SLC41A2: variants seen among roughly 807,000 people sequenced by gnomAD.
The protein encoded by SLC41A2 is SLC41A1-like 1.
Under a neutral mutation model 58.3 loss-of-function variants are expected in SLC41A2, and 32 were observed. The ratio of observed to expected loss-of-function variants is 0.55; its 90% CI spans 0.41 to 0.74. The LOEUF (loss-of-function observed/expected upper bound fraction) is 0.74, where lower values mean the gene tolerates loss of function less well. Ranked by LOEUF, SLC41A2 falls within the 30% of genes least tolerant of loss-of-function variation. The pLI, the probability that SLC41A2 is intolerant of heterozygous loss-of-function variation, is 0.00. For missense variants in SLC41A2, 514 were observed against 680.6 expected, an observed-to-expected ratio of 0.76 and a Z score of 2.72; for synonymous variants, 190 against 235.0, an observed-to-expected ratio of 0.81 and a Z score of 1.75.
intron 7 of SLC41A2, 74 bp from the exon 8 acceptor site, chr12:104,861,444 C>T: frequency 2.5e-6 from 2 of 786,374 alleles, no homozygotes; most frequent in Admixed American, 2.6e-5. Context: ...TACATACAGA[C>T]ACCCCTCCTT....
chr12:104,909,445 G>A (rs1373410233), intron 3 of SLC41A2, among the ~76,000 whole-genome samples: 2 of 152,108 alleles, frequency 1.3e-5, no homozygotes, highest in Non-Finnish European at 1.5e-5. Context: ...GGCATCAAAG[G>A]AGGCAAGTAA....
At chr12:104,942,826 C>T (rs892988966) in intron 1 of SLC41A2, among the ~76,000 whole-genome samples, 1 of 152,154 alleles carries the variant, frequency 6.6e-6, no homozygotes, top group African/African-American at 2.4e-5. Flanking sequence ...TCTTGTTACA[C>T]AGAGTCAGCT....
chr12:104,933,247 A>T (rs190467260), intron 1 of SLC41A2, among the ~76,000 whole-genome samples: 147 of 152,352 alleles, frequency 9.6e-4, no homozygotes, highest in African/African-American at 3.2e-3. Context: ...TCAAAAGAAG[A>T]CATACAAATG....
intron 10 of SLC41A2, among the ~76,000 whole-genome samples, chr12:104,817,546 C>G (rs1192006754): frequency 6.6e-6 from 1 of 151,846 alleles, no homozygotes; most frequent in South Asian, 2.1e-4. Context: ...TTCTTTATAT[C>G]GTTATCCTAT....
rs1352964565 is a variant in SLC41A2, at chr12:104,895,348, G to A, written c.664-3C>T. 4.4e-6 allele frequency: 7 copies of A among 1,607,336 alleles called. No individual in the cohort carries two copies. The highest frequency in any genetic ancestry group is 5.1e-6 in the Non-Finnish European group (6 of 1,174,504). On this transcript the variant is annotated splice_region_variant and splice_polypyrimidine_tract_variant and intron_variant, in intron 3 of 10. Transcript: ENST00000258538. The stretch of plus-strand genomic sequence containing the variant: ...GAATCCATCTTCCCAATATTTACCT[G>A]TTAAAGTGGATATTTTCATGTATCA...
Position 104,849,750 on chromosome 12 carries a change from C to T in SLC41A2, c.1256-3776G>A, listed in dbSNP as rs182261521. ...GACTGAGGCAGGAGGATGGCTTGAG[C>T]CCAAGAGATTGAGGCTGCAGTGAGC... On this transcript the variant is annotated intron_variant, in intron 8 of 10. Coordinates refer to ENST00000258538, the MANE Select transcript of SLC41A2 (RefSeq NM_001352171.3). Among the ~76,000 whole-genome samples the T allele has an allele frequency of 2.0e-4, 30 of 152,294 alleles. No individual in the cohort carries two copies. The East Asian group carries it at 4.2e-3, about 22-fold the overall frequency.
chr12:104,913,668 C>T (rs1387180375), intron 2 of SLC41A2, among the ~76,000 whole-genome samples: 1 of 152,194 alleles, frequency 6.6e-6, no homozygotes, highest in Non-Finnish European at 1.5e-5. Flanking sequence ...CTGTTTCTGG[C>T]TTCTGGCTAG....
At chr12:104,827,081 T>A (rs1371033473) in intron 10 of SLC41A2, among the ~76,000 whole-genome samples, 1 of 152,194 alleles carries the variant, frequency 6.6e-6, no homozygotes. Flanking sequence ...GCAATTATAC[T>A]AAGTTGTCCA....
chr12:104,949,068 A>C (rs1472958948), intron 1 of SLC41A2, among the ~76,000 whole-genome samples: 1 of 152,110 alleles, frequency 6.6e-6, no homozygotes, highest in African/African-American at 2.4e-5. Flanking sequence ...ATACAAAATT[A>C]GTGGGGCATG....
At chr12:104,932,624 C>CAAAAAAAAAAAAAAAAAAAAAAAAAA (rs544329617) in intron 1 of SLC41A2, among the ~76,000 whole-genome samples, 2 of 46,070 alleles carry the variant, frequency 4.3e-5, no homozygotes, top group East Asian at 6.4e-4. Context: ...GACTTTGTCT[C>CAAAAAAAAAAAAAAAAAAAAAAAAAA]AAAAAAAAAA....
intron 10 of SLC41A2, among the ~76,000 whole-genome samples, chr12:104,844,245 G>A (rs1239488553): frequency 6.6e-6 from 1 of 152,156 alleles, no homozygotes; most frequent in Non-Finnish European, 1.5e-5. Flanking sequence ...TATAGCCATA[G>A]TGAAATTATC....
intron 10 of SLC41A2, among the ~76,000 whole-genome samples, chr12:104,818,606 C>T (rs902956954): frequency 2.6e-5 from 4 of 152,080 alleles, no homozygotes; most frequent in East Asian, 3.8e-4. Context: ...CAGCCGGGTG[C>T]GGTGGCTCAT....
intron 5 of SLC41A2, 112 bp downstream of exon 5, chr12:104,888,921 G>GT (rs139999568): frequency 5.9e-5 from 66 of 1,117,538 alleles, no homozygotes; most frequent in Non-Finnish European, 7.9e-5. Flanking sequence ...TTGTAGATAT[G>GT]TTTTTTCTGT....
chr12:104,847,995 T>A (rs1436144307), intron 8 of SLC41A2, among the ~76,000 whole-genome samples: 12 of 152,182 alleles, frequency 7.9e-5, no homozygotes, highest in Admixed American at 7.2e-4. Context: ...GCCAGTTTAA[T>A]CTAAATTACA....
chr12:104,806,186 GTTT>G (rs2040891254), intron 10 of SLC41A2, among the ~76,000 whole-genome samples: 1 of 152,036 alleles, frequency 6.6e-6, no homozygotes, highest in African/African-American at 2.4e-5. Flanking sequence ...TTAGCATTAG[GTTT>G]ATCTCCTAAT....
intron 4 of SLC41A2, among the ~76,000 whole-genome samples, chr12:104,892,059 G>A (rs2045004695): frequency 6.6e-6 from 1 of 152,018 alleles, no homozygotes; most frequent in African/African-American, 2.4e-5. Flanking sequence ...CAGTACTTCG[G>A]GAGGCTGAGG....
chr12:104,892,889 A>G (rs1253985396), intron 4 of SLC41A2, among the ~76,000 whole-genome samples: 1 of 152,212 alleles, frequency 6.6e-6, no homozygotes, highest in Non-Finnish European at 1.5e-5. Context: ...ACCTCAAACT[A>G]TAAAACTACT....
At chr12:104,915,577 T>C (rs1203317151) in intron 2 of SLC41A2, among the ~76,000 whole-genome samples, 1 of 152,190 alleles carries the variant, frequency 6.6e-6, no homozygotes, top group Non-Finnish European at 1.5e-5. Context: ...GTTTGTCTGT[T>C]ATTGGTGTAT....
chr12:104,855,244 C>T (rs1340709570), intron 8 of SLC41A2, among the ~76,000 whole-genome samples: 2 of 152,132 alleles, frequency 1.3e-5, no homozygotes, highest in Non-Finnish European at 2.9e-5. Flanking sequence ...TTATAAAATA[C>T]ATGTAAGTTA....
Sources: allele counts gnomAD v4.1 joint callset (sites outside exome capture counted in the v4.1 genomes callset), GRCh38; gene constraint gnomAD v4.1.1; transcripts MANE v1.5; gene names NCBI Gene and HGNC (gene_info 2026-07-23, HGNC 2026-07-21).